The following ULK4 variants were observed in gnomAD, a reference collection of about 807,000 sequenced individuals.
ULK4 encodes inactive serine/threonine-protein kinase ULK4.
In ULK4, 133 loss-of-function variants were observed where a neutral mutation model predicts 160.6. That is an observed-to-expected ratio of 0.83 (90% confidence interval 0.72 to 0.96). The LOEUF is 0.96. Ranked by LOEUF, ULK4 falls within the 40% of genes least tolerant of loss-of-function variation. ULK4 has a pLI of 0.00. For synonymous variants in ULK4, 534 were observed against 539.8 expected (o/e 0.99, Z 0.15); for missense variants, 1,580 against 1,499.5 (o/e 1.05, Z -0.89).
chr3:41,253,352 A>G (rs2078774226), intron 35 of ULK4, among the ~76,000 whole-genome samples: 1 of 152,072 alleles, frequency 6.6e-6, no homozygotes, highest in African/African-American at 2.4e-5. Flanking sequence ...AACATATAAG[A>G]CAGCTGGAAC....
chr3:41,707,194 C>T (rs527958327), intron 25 of ULK4, among the ~76,000 whole-genome samples: 41 of 152,154 alleles, frequency 2.7e-4, no homozygotes, highest in Admixed American at 9.2e-4. Context: ...CCAAGCTATA[C>T]ATAGTTCATA....
intron 15 of ULK4, among the ~76,000 whole-genome samples, chr3:41,896,053 C>G (rs1698138939): frequency 6.6e-6 from 1 of 152,070 alleles, no homozygotes; most frequent in South Asian, 2.1e-4. Flanking sequence ...CAGACCAAGA[C>G]AGTCCAAAAA....
At chr3:41,332,537 G>C (rs544736211) in intron 35 of ULK4, among the ~76,000 whole-genome samples, 1 of 152,186 alleles carries the variant, frequency 6.6e-6, no homozygotes, top group Non-Finnish European at 1.5e-5. Context: ...AGCAGATGGC[G>C]TGGCAGGCAA....
chr3:41,699,883 CAAT>C (rs1400436332), intron 27 of ULK4, among the ~76,000 whole-genome samples: 2 of 152,090 alleles, frequency 1.3e-5, no homozygotes, highest in African/African-American at 4.8e-5. Context: ...GCTGTAGTTA[CAAT>C]AATTAGTATG....
intron 32 of ULK4, among the ~76,000 whole-genome samples, chr3:41,465,390 G>A (rs142445472): frequency 7.4e-4 from 112 of 152,212 alleles, no homozygotes; most frequent in African/African-American, 2.6e-3. Flanking sequence ...CTGTATAACA[G>A]ATAAAGACTC....
intron 27 of ULK4, among the ~76,000 whole-genome samples, chr3:41,700,406 A>G: frequency 6.6e-6 from 1 of 152,210 alleles, no homozygotes; most frequent in South Asian, 2.1e-4. Flanking sequence ...ATACTCTCTA[A>G]GTAAGGAAAA....
At chr3:41,634,666 C>T (rs2033880238) in intron 30 of ULK4, among the ~76,000 whole-genome samples, 1 of 152,208 alleles carries the variant, frequency 6.6e-6, no homozygotes, top group African/African-American at 2.4e-5. Context: ...GTTCTCATCT[C>T]TGACCACTGG....
intron 32 of ULK4, among the ~76,000 whole-genome samples, chr3:41,553,874 A>AT (rs766427747): frequency 2.6e-5 from 4 of 152,120 alleles, no homozygotes; most frequent in Non-Finnish European, 5.9e-5. Flanking sequence ...CAATTAAATT[A>AT]TTTTTTATTA....
chr3:41,282,141 G>GA (rs1017372135), intron 35 of ULK4, among the ~76,000 whole-genome samples: 65 of 151,898 alleles, frequency 4.3e-4, no homozygotes, highest in African/African-American at 1.5e-3. Context: ...ACTGCTCAAT[G>GA]AAAAAAAAGA....
chr3:41,802,932 C>T (rs560067796), intron 19 of ULK4, among the ~76,000 whole-genome samples: 2 of 152,080 alleles, frequency 1.3e-5, no homozygotes, highest in East Asian at 1.9e-4. Flanking sequence ...TTTGGGAGGC[C>T]GAAGCAGGCA....
chr3:41,734,452 C>T (rs1381931309), intron 22 of ULK4, among the ~76,000 whole-genome samples: 1 of 152,010 alleles, frequency 6.6e-6, no homozygotes, highest in Non-Finnish European at 1.5e-5. Flanking sequence ...CTTGTGTATG[C>T]AATTGAATAC....
At chr3:41,655,570 A>G (rs964659174) in intron 30 of ULK4, among the ~76,000 whole-genome samples, 2 of 152,184 alleles carry the variant, frequency 1.3e-5, no homozygotes, top group African/African-American at 4.8e-5. Flanking sequence ...ATCTAGGTGT[A>G]GCAGCATGCA....
At chr3:41,770,440 C>A (rs1456724491) in intron 21 of ULK4, among the ~76,000 whole-genome samples, 1 of 152,010 alleles carries the variant, frequency 6.6e-6, no homozygotes, top group Non-Finnish European at 1.5e-5. Flanking sequence ...AAATAATCTT[C>A]CTAATGCTAC....
rs138971330 is a variant in ULK4 at position 41,356,514 on chromosome 3, G to A, written c.3678+41565C>T. 7.2e-4 allele frequency among the ~76,000 whole-genome samples: 109 copies of A among 152,276 alleles called. 1 individual carries two copies. The highest frequency in any genetic ancestry group is 1.4e-3 in the Non-Finnish European group (93 of 68,030). ...CTACTTATTAAGTGTAGCTTAACCA[G>A]ACTAAACATTCCACGCCTCACAAGC... On this transcript the variant is annotated intron_variant, in intron 35 of 36. Coordinates refer to ENST00000301831, the MANE Select transcript of ULK4 (RefSeq NM_017886.4).
intron 22 of ULK4, among the ~76,000 whole-genome samples, chr3:41,732,000 T>C (rs184419824): frequency 6.6e-6 from 1 of 152,200 alleles, no homozygotes; most frequent in East Asian, 1.9e-4. Flanking sequence ...GACTGAAGAC[T>C]TAAATTTAAG....
At chr3:41,456,140 C>T (rs2083546887) in intron 33 of ULK4, among the ~76,000 whole-genome samples, 1 of 152,188 alleles carries the variant, frequency 6.6e-6, no homozygotes, top group Admixed American at 6.5e-5. Flanking sequence ...TAACTCCTGA[C>T]CTCACGTGAT....
rs1038331914 is a variant in ULK4, at chr3:41,947,424, T to G, written c.138+7198A>C. On this transcript the variant is annotated intron_variant, in intron 2 of 36. Coordinates refer to ENST00000301831, the MANE Select transcript of ULK4 (RefSeq NM_017886.4). Reference sequence around the variant, plus strand: ...GTGGGGAGCATGATGGTAAATGCTATATGGAGAAGAGGAGAAAAAAGGCCA... The same window carrying G: ...GTGGGGAGCATGATGGTAAATGCTAGATGGAGAAGAGGAGAAAAAAGGCCA... Among the ~76,000 whole-genome samples, 12 of 152,132 alleles carry G rather than the reference T, an allele frequency of 7.9e-5. No homozygotes were observed. In the South Asian group the frequency reaches 2.3e-3, roughly 29 times the overall value.
intron 34 of ULK4, among the ~76,000 whole-genome samples, chr3:41,413,135 C>A (rs1461929823): frequency 6.6e-6 from 1 of 152,090 alleles, no homozygotes; most frequent in Admixed American, 6.5e-5. Flanking sequence ...AGAATGACAG[C>A]CACGTGAAAG....
At chr3:41,306,364 G>A (rs1425795584) in intron 35 of ULK4, among the ~76,000 whole-genome samples, 5 of 133,534 alleles carry the variant, frequency 3.7e-5, no homozygotes, top group Non-Finnish European at 7.6e-5. Flanking sequence ...TCAGCCCCCC[G>A]CCCAGCCAGC....
Sources: allele counts gnomAD v4.1 joint callset (sites outside exome capture counted in the v4.1 genomes callset), GRCh38; gene constraint gnomAD v4.1.1; transcripts MANE v1.5; gene names NCBI Gene and HGNC (gene_info 2026-07-23, HGNC 2026-07-21).